Variants in TTLL11 observed in about 807,000 individuals in gnomAD.
TTLL11 encodes the protein tubulin tyrosine ligase like 11, also known as tubulin polyglutamylase TTLL11.
In TTLL11, 42 loss-of-function variants were observed where a neutral mutation model predicts 51.7. That is an observed-to-expected ratio of 0.81 (90% CI 0.64 to 1.05). The LOEUF (loss-of-function observed/expected upper bound fraction) is 1.05, where lower values mean the gene tolerates loss of function less well. TTLL11 is among the 50% of genes least tolerant of loss of function. The pLI, the probability that TTLL11 is intolerant of heterozygous loss-of-function variation, is 0.00. For missense variants in TTLL11, 799 were observed against 940.4 expected (o/e 0.85, Z 1.97); for synonymous variants, 381 against 383.5 (o/e 0.99, Z 0.08).
intron 3 of TTLL11, among the ~76,000 whole-genome samples, chr9:122,003,170 T>C (rs535960424): frequency 1.6e-4 from 25 of 152,194 alleles, no homozygotes; most frequent in Non-Finnish European, 2.8e-4. Flanking sequence ...AAGGTATGTG[T>C]TACTCAATAG....
chr9:122,056,995 A>AGAG (rs1845305273), intron 1 of TTLL11, among the ~76,000 whole-genome samples: 1 of 152,226 alleles, frequency 6.6e-6, no homozygotes, highest in Admixed American at 6.5e-5. Context: ...GAGGAATCAT[A>AGAG]GAGGAAAGAA....
chr9:121,973,198 G>A (rs1193516956), intron 6 of TTLL11, among the ~76,000 whole-genome samples: 6 of 152,268 alleles, frequency 3.9e-5, no homozygotes, highest in East Asian at 1.9e-4. Flanking sequence ...CACCAACAGC[G>A]CAATGTAATG....
chr9:121,972,207 T>C (rs913550500), intron 6 of TTLL11, among the ~76,000 whole-genome samples: 6 of 151,822 alleles, frequency 4.0e-5, no homozygotes, highest in African/African-American at 1.5e-4. Flanking sequence ...CATACTGGCA[T>C]AAAAGGCTAC....
At chr9:121,979,309 T>A (rs1438197648) in intron 4 of TTLL11, among the ~76,000 whole-genome samples, 3 of 152,140 alleles carry the variant, frequency 2.0e-5, no homozygotes, top group Non-Finnish European at 2.9e-5. Context: ...CTGGCCAACA[T>A]GTGGGCTGCA....
At chr9:122,002,050 C>T (rs552513502) in intron 3 of TTLL11, among the ~76,000 whole-genome samples, 2 of 152,342 alleles carry the variant, frequency 1.3e-5, no homozygotes, top group Middle Eastern at 3.4e-3. Context: ...ACAGAAGCCA[C>T]GTTTCCTTAA....
intron 6 of TTLL11, among the ~76,000 whole-genome samples, chr9:121,958,570 G>A (rs1165606625): frequency 6.6e-6 from 1 of 152,146 alleles, no homozygotes; most frequent in Non-Finnish European, 1.5e-5. Context: ...ACCTCACAGA[G>A]GTCATGGTGT....
intron 6 of TTLL11, among the ~76,000 whole-genome samples, chr9:121,908,382 C>T (rs974771370): frequency 7.2e-5 from 11 of 152,154 alleles, no homozygotes; most frequent in Admixed American, 3.9e-4. Flanking sequence ...CAGTTAGGAC[C>T]GGGGCCAAGG....
rs563356039 is a variant in TTLL11 at position 121,851,109 on chromosome 9, T to C, written c.1840+9228A>G. On this transcript the variant is annotated intron_variant, in intron 8 of 8. Coordinates refer to ENST00000321582, the MANE Select transcript of TTLL11 (RefSeq NM_001139442.2). ...CAGTCTGAAAAGGCTAGATACGATA[T>C]GATTCCAACAATATGACTTTCTGAA... 9.8e-5 allele frequency among the ~76,000 whole-genome samples: 15 copies of C among 152,320 alleles called. No individual in the cohort carries two copies. The South Asian group carries it at 2.7e-3, about 27-fold the overall frequency.
chr9:121,985,044 C>T (rs7019095), intron 4 of TTLL11, among the ~76,000 whole-genome samples: 47,766 of 152,042 alleles, frequency 0.31, 7,909 homozygotes, highest in African/African-American at 0.35. Flanking sequence ...GAGCAGTGCC[C>T]GCAACTGCTC....
At chr9:121,958,392 T>A (rs555149182) in intron 6 of TTLL11, among the ~76,000 whole-genome samples, 1 of 152,308 alleles carries the variant, frequency 6.6e-6, no homozygotes, top group East Asian at 1.9e-4. Flanking sequence ...TCACCCCCTT[T>A]CCCATATAAC....
chr9:122,061,091 A>T (rs1457084438), intron 1 of TTLL11, among the ~76,000 whole-genome samples: 1 of 152,166 alleles, frequency 6.6e-6, no homozygotes, highest in East Asian at 1.9e-4. Context: ...AGCCCTTGGC[A>T]TCACTTGCCT....
chr9:121,929,056 T>C (rs1373492040), intron 6 of TTLL11, among the ~76,000 whole-genome samples: 1 of 152,214 alleles, frequency 6.6e-6, no homozygotes, highest in Non-Finnish European at 1.5e-5. Flanking sequence ...ACGTAGATCA[T>C]GTAGTTTCAG....
At chr9:122,075,262 C>T (rs966314874) in intron 1 of TTLL11, among the ~76,000 whole-genome samples, 5 of 152,134 alleles carry the variant, frequency 3.3e-5, no homozygotes, top group African/African-American at 7.2e-5. Context: ...ACATGATGGG[C>T]GAGTAGGGAT....
intron 6 of TTLL11, among the ~76,000 whole-genome samples, chr9:121,881,400 C>T (rs1451824338): frequency 6.6e-6 from 1 of 152,226 alleles, no homozygotes; most frequent in East Asian, 1.9e-4. Context: ...TAATTCTCTT[C>T]TATACACTGA....
intron 1 of TTLL11, among the ~76,000 whole-genome samples, chr9:122,051,022 T>C (rs1174792903): frequency 1.3e-5 from 2 of 152,228 alleles, no homozygotes; most frequent in African/African-American, 4.8e-5. Flanking sequence ...GGGAAATTTG[T>C]TACACAGCAA....
intron 6 of TTLL11, among the ~76,000 whole-genome samples, chr9:121,925,795 T>C (rs1034021247): frequency 1.3e-5 from 2 of 152,120 alleles, no homozygotes; most frequent in African/African-American, 2.4e-5. Flanking sequence ...GTGGAGTGAA[T>C]GAATGAATGG....
chr9:121,971,776 T>C (rs1429347823), intron 6 of TTLL11, among the ~76,000 whole-genome samples: 6 of 120,092 alleles, frequency 5.0e-5, no homozygotes, highest in Non-Finnish European at 1.2e-4. Flanking sequence ...ATGTGGCATA[T>C]ATACACCATG....
At chr9:122,025,045 A>G (rs1319683544) in intron 3 of TTLL11, among the ~76,000 whole-genome samples, 1 of 152,106 alleles carries the variant, frequency 6.6e-6, no homozygotes, top group Non-Finnish European at 1.5e-5. Context: ...ATTAAAAAAT[A>G]AAAAAAGGCA....
chr9:122,051,540 G>A (rs766981327), intron 1 of TTLL11, among the ~76,000 whole-genome samples: 7 of 152,164 alleles, frequency 4.6e-5, no homozygotes, highest in Admixed American at 6.5e-5. Context: ...CTCATCCCAC[G>A]GACCCAAAAC....
Sources: allele counts gnomAD v4.1 joint callset (sites outside exome capture counted in the v4.1 genomes callset), GRCh38; gene constraint gnomAD v4.1.1; transcripts MANE v1.5; gene names NCBI Gene and HGNC (gene_info 2026-07-23, HGNC 2026-07-21).